Variants in DTNBP1 observed in about 807,000 individuals in gnomAD.
DTNBP1 encodes the protein dystrobrevin binding protein 1.
DTNBP1 carries 35 observed loss-of-function variants against 42.8 expected under a neutral mutation model. The ratio of observed to expected loss-of-function variants is 0.82; its 90% CI spans 0.63 to 1.09. The LOEUF is 1.09. Ranked by LOEUF, DTNBP1 falls within the 50% of genes least tolerant of loss-of-function variation. The probability of loss-of-function intolerance (pLI) is 0.00; values close to 1 mark genes in which losing one functional copy is unlikely to be tolerated. For synonymous variants in DTNBP1, 171 were observed against 162.2 expected (o/e 1.05, Z -0.41); for missense variants, 457 against 424.2 (o/e 1.08, Z -0.68).
intron 8 of DTNBP1, among the ~76,000 whole-genome samples, chr6:15,532,555 A>T (rs1475206543): frequency 6.6e-6 from 1 of 152,192 alleles, no homozygotes; most frequent in East Asian, 1.9e-4. Context: ...CAATTAGATA[A>T]GCAGACTCGA....
intron 3 of DTNBP1, among the ~76,000 whole-genome samples, chr6:15,649,689 T>C (rs1010881178): frequency 1.3e-5 from 2 of 152,230 alleles, no homozygotes; most frequent in African/African-American, 4.8e-5. Context: ...ATTTAAACAT[T>C]TGCTATTTAA....
chr6:15,586,252 C>T lies in DTNBP1; in HGVS notation c.511+6807G>A, dbSNP rs116553642. On this transcript the variant is annotated intron_variant, in intron 7 of 9. Transcript: ENST00000344537. ...TTCCCCTACCTCATTTTTAATGTAG[C>T]ATTAGCCTAAAGGTTTTTTCAAATT... Among the ~76,000 whole-genome samples, 679 of 152,232 alleles carry T rather than the reference C, an allele frequency of 4.5e-3. 7 individuals carry two copies. The highest frequency in any genetic ancestry group is 0.015 in the African/African-American group (625 of 41,532).
intron 2 of DTNBP1, 159 bp from the exon 3 acceptor site, chr6:15,651,522 T>C: frequency 1.0e-6 from 1 of 990,294 alleles, no homozygotes; most frequent in South Asian, 1.5e-5. Context: ...TATTTCAGAG[T>C]TAATGTACTG....
intron 1 of DTNBP1, among the ~76,000 whole-genome samples, chr6:15,659,815 G>A (rs1761499415): frequency 6.6e-6 from 1 of 152,054 alleles, no homozygotes; most frequent in African/African-American, 2.4e-5. Flanking sequence ...GGCTCCCAAA[G>A]TGCTGGGATT....
intron 7 of DTNBP1, among the ~76,000 whole-genome samples, chr6:15,537,192 G>A (rs150070425): frequency 1.2e-3 from 187 of 152,292 alleles, no homozygotes; most frequent in East Asian, 5.0e-3. Context: ...AGACCAAGGC[G>A]GACAGATCAC....
At chr6:15,605,441 T>C (rs1757992568) in intron 6 of DTNBP1, among the ~76,000 whole-genome samples, 1 of 152,202 alleles carries the variant, frequency 6.6e-6, no homozygotes, top group Non-Finnish European at 1.5e-5. Context: ...TCTTCTCACA[T>C]ATCTTCTCAG....
intron 7 of DTNBP1, among the ~76,000 whole-genome samples, chr6:15,565,874 A>G (rs886929299): frequency 6.6e-6 from 1 of 152,226 alleles, no homozygotes; most frequent in African/African-American, 2.4e-5. Flanking sequence ...CAAAAATCTC[A>G]TGTGACCATG....
intron 7 of DTNBP1, among the ~76,000 whole-genome samples, chr6:15,559,305 TG>T (rs1427307192): frequency 6.6e-6 from 1 of 152,178 alleles, no homozygotes; most frequent in African/African-American, 2.4e-5. Flanking sequence ...ATTCAGCATT[TG>T]AAGCAAATTG....
chr6:15,539,791 C>A (rs1189788749), intron 7 of DTNBP1, among the ~76,000 whole-genome samples: 1 of 152,216 alleles, frequency 6.6e-6, no homozygotes, highest in Admixed American at 6.5e-5. Context: ...CTGTCCCTCG[C>A]TCCTGCTTCT....
At chr6:15,604,920 CAA>C (rs1173092159) in intron 6 of DTNBP1, among the ~76,000 whole-genome samples, 1 of 152,140 alleles carries the variant, frequency 6.6e-6, no homozygotes, top group Non-Finnish European at 1.5e-5. Flanking sequence ...TTCCAGGAGA[CAA>C]GCAAATTTCA....
chr6:15,525,870 G>A (rs1018983003), intron 8 of DTNBP1, among the ~76,000 whole-genome samples: 3 of 152,188 alleles, frequency 2.0e-5, no homozygotes, highest in Non-Finnish European at 1.5e-5. Context: ...TTCCCAAATC[G>A]ATGAAAGACC....
chr6:15,577,413 G>A (rs964608756), intron 7 of DTNBP1, among the ~76,000 whole-genome samples: 4 of 152,260 alleles, frequency 2.6e-5, no homozygotes, highest in African/African-American at 7.2e-5. Flanking sequence ...CAACAGTGCC[G>A]AGTGTAGGCA....
chr6:15,662,215 G>A (rs938883843), intron 1 of DTNBP1, among the ~76,000 whole-genome samples: 1 of 152,254 alleles, frequency 6.6e-6, no homozygotes, highest in Non-Finnish European at 1.5e-5. Context: ...GAGTTCCTTC[G>A]CCGAGGCGCT....
chr6:15,586,000 G>A (rs1776066022), intron 7 of DTNBP1: 1 of 1,278,444 alleles, frequency 7.8e-7, no homozygotes, highest in African/African-American at 1.5e-5. Context: ...AGCTCTCAGG[G>A]GCTCTAGTGT....
chr6:15,617,926 C>T (rs1190686471), intron 5 of DTNBP1, among the ~76,000 whole-genome samples: 2 of 152,082 alleles, frequency 1.3e-5, no homozygotes, highest in African/African-American at 2.4e-5. Context: ...AACATCAAGA[C>T]TGAAAAGACA....
At chr6:15,658,531 T>A (rs145101662) in intron 1 of DTNBP1, among the ~76,000 whole-genome samples, 2 of 152,220 alleles carry the variant, frequency 1.3e-5, no homozygotes, top group African/African-American at 4.8e-5. Context: ...CAGGTTTTTT[T>A]ATCCCCAACC....
rs556913352 is a variant in DTNBP1, at chr6:15,574,504, C to CAT, written c.511+18553_511+18554dup. ...ATCTAAAGGTAAACACAGTACCATC[C>CAT]ATATAATTTTAGATGCCTTGTTATT... On this transcript the variant is annotated intron_variant, in intron 7 of 9. Coordinates refer to ENST00000344537, the MANE Select transcript of DTNBP1 (RefSeq NM_032122.5). 2.6e-3 allele frequency among the ~76,000 whole-genome samples: 401 copies of CAT among 152,354 alleles called. 2 individuals are homozygous for CAT. Among genetic ancestry groups the CAT allele is most frequent in the African/African-American group, 9.2e-3 (381 of 41,576 alleles).
chr6:15,578,342 C>T (rs920780528), intron 7 of DTNBP1, among the ~76,000 whole-genome samples: 3 of 152,152 alleles, frequency 2.0e-5, no homozygotes, highest in Non-Finnish European at 4.4e-5. Context: ...AGAGCATTCT[C>T]CTAGTGCGCA....
At chr6:15,591,783 CTTGA>C (rs1280819000) in intron 7 of DTNBP1, among the ~76,000 whole-genome samples, 1 of 152,090 alleles carries the variant, frequency 6.6e-6, no homozygotes, top group Non-Finnish European at 1.5e-5. Flanking sequence ...TTAATATTAA[CTTGA>C]TTGTTTTTTT....
Sources: gnomAD v4.1 joint callset for allele counts (sites outside exome capture counted in the v4.1 genomes callset) on GRCh38, gnomAD v4.1.1 for gene constraint, MANE v1.5 for transcripts, NCBI Gene and HGNC (gene_info 2026-07-23, HGNC 2026-07-21) for gene names.